RBFOX1: variants seen among roughly 807,000 people sequenced by gnomAD.
The protein encoded by RBFOX1 is RNA binding protein fox-1 homolog 1.
In RBFOX1, 8 loss-of-function variants were observed where a neutral mutation model predicts 57.7. That is an observed-to-expected ratio of 0.14 (90% CI 0.08 to 0.25). The LOEUF (loss-of-function observed/expected upper bound fraction) is 0.25, where lower values mean the gene tolerates loss of function less well. Among genes scored for constraint, RBFOX1 ranks in the 10% least tolerant of loss-of-function variants. The pLI is 1.00. For missense variants in RBFOX1, 611 were observed against 548.5 expected (o/e 1.11, Z -1.14); for synonymous variants, 326 against 222.4 (o/e 1.47, Z -4.15).
chr16:6,962,998 C>G (rs143451506), intron 3 of RBFOX1, among the ~76,000 whole-genome samples: 138 of 152,266 alleles, frequency 9.1e-4, no homozygotes, highest in Non-Finnish European at 1.5e-3. Context: ...AATGCTGACT[C>G]CCAGCCAAGA....
chr16:6,666,658 C>A (rs1011332827), intron 3 of RBFOX1, among the ~76,000 whole-genome samples: 1 of 152,152 alleles, frequency 6.6e-6, no homozygotes, highest in Admixed American at 6.5e-5. Flanking sequence ...TGTACTGCCT[C>A]TTCCAAGCAT....
chr16:6,551,466 C>T (rs1444559774), intron 2 of RBFOX1, among the ~76,000 whole-genome samples: 2 of 152,314 alleles, frequency 1.3e-5, no homozygotes, highest in East Asian at 3.9e-4. Context: ...CGCTGTCTAA[C>T]ATAAGTAACC....
intron 2 of RBFOX1, among the ~76,000 whole-genome samples, chr16:6,565,447 T>G (rs1418663099): frequency 6.8e-6 from 1 of 147,236 alleles, no homozygotes; most frequent in Non-Finnish European, 1.5e-5. Flanking sequence ...TTAGTAGAGA[T>G]GGGGTTTCAC....
At chr16:6,658,314 C>T (rs1476498442) in intron 3 of RBFOX1, among the ~76,000 whole-genome samples, 6 of 151,544 alleles carry the variant, frequency 4.0e-5, no homozygotes, top group Admixed American at 6.6e-5. Context: ...GATCTCAGCT[C>T]ATTGCAACCT....
intron 4 of RBFOX1, among the ~76,000 whole-genome samples, chr16:7,136,932 T>G (rs909034396): frequency 2.0e-5 from 3 of 152,220 alleles, no homozygotes; most frequent in African/African-American, 7.2e-5. Context: ...TGGGGCCCTT[T>G]CATTCCTCGT....
chr16:7,095,352 G>A (rs1310823583), intron 4 of RBFOX1, among the ~76,000 whole-genome samples: 1 of 152,098 alleles, frequency 6.6e-6, no homozygotes, highest in Non-Finnish European at 1.5e-5. Flanking sequence ...TGGCCAGGCT[G>A]GTCTCGAACT....
intron 4 of RBFOX1, among the ~76,000 whole-genome samples, chr16:7,339,748 A>G (rs1304784637): frequency 6.6e-6 from 1 of 152,164 alleles, no homozygotes; most frequent in Admixed American, 6.5e-5. Flanking sequence ...CCAGAAAGAT[A>G]TTTGTTAAGA....
intron 4 of RBFOX1, among the ~76,000 whole-genome samples, chr16:5,873,207 C>T (rs1357515486): frequency 6.6e-6 from 1 of 152,110 alleles, no homozygotes; most frequent in African/African-American, 2.4e-5. Flanking sequence ...AATTAAATAA[C>T]CTAATTAGGA....
chr16:6,618,665 T>A (rs2098178888), intron 2 of RBFOX1, among the ~76,000 whole-genome samples: 1 of 152,212 alleles, frequency 6.6e-6, no homozygotes, highest in African/African-American at 2.4e-5. Context: ...GGCTTTCAAA[T>A]TCACATCACT....
At chr16:7,048,628 GTGTTTT>G (rs1203689748) in intron 3 of RBFOX1, among the ~76,000 whole-genome samples, 7 of 152,046 alleles carry the variant, frequency 4.6e-5, no homozygotes, top group African/African-American at 1.7e-4. Flanking sequence ...TATTTTCAGT[GTGTTTT>G]TTCTTACCGT....
intron 4 of RBFOX1, among the ~76,000 whole-genome samples, chr16:7,373,515 A>G (rs907271891): frequency 6.6e-6 from 1 of 152,134 alleles, no homozygotes; most frequent in Non-Finnish European, 1.5e-5. Flanking sequence ...GTCCCTTGTA[A>G]TAAATGCTGG....
At chr16:7,018,334 G>A (rs1597140173) in intron 3 of RBFOX1, among the ~76,000 whole-genome samples, 1 of 152,094 alleles carries the variant, frequency 6.6e-6, no homozygotes, top group Non-Finnish European at 1.5e-5. Context: ...TAACCTCCGG[G>A]AGTTGTTTCA....
Position 7,237,971 on chromosome 16 carries a change from G to A in RBFOX1, c.27+185873G>A, listed in dbSNP as rs560273505. On this transcript the variant is annotated intron_variant, in intron 4 of 15. Coordinates refer to ENST00000550418, the MANE Select transcript of RBFOX1 (RefSeq NM_018723.4). ...GTGAGCCCACGTCGCGTCCCTGCAC[G>A]CAAGCCTAGGCAAGAAAGCAAGACC... 6.6e-5 allele frequency among the ~76,000 whole-genome samples: 10 copies of A among 152,276 alleles called. No homozygotes were observed. The South Asian group carries it at 1.0e-3, about 16-fold the overall frequency.
At chr16:6,210,361 C>CAAAAAAAAAAAAAAAAAAAAAAAAAAAA (rs3064933) in intron 1 of RBFOX1, among the ~76,000 whole-genome samples, 4 of 61,454 alleles carry the variant, frequency 6.5e-5, no homozygotes, top group Non-Finnish European at 1.4e-4. Context: ...AAAAAAACAC[C>CAAAAAAAAAAAAAAAAAAAAAAAAAAAA]AAAAAAAAAA....
At chr16:5,678,076 G>A (rs2050219431) in intron 3 of RBFOX1, among the ~76,000 whole-genome samples, 1 of 152,190 alleles carries the variant, frequency 6.6e-6, no homozygotes, top group Non-Finnish European at 1.5e-5. Context: ...GTCGATGAAT[G>A]TCAGGAATAT....
chr16:7,050,065 A>G (rs2049466082), intron 3 of RBFOX1, among the ~76,000 whole-genome samples: 2 of 151,674 alleles, frequency 1.3e-5, no homozygotes, highest in South Asian at 4.2e-4. Flanking sequence ...GTCTCAATGA[A>G]TTTTCCCTAC....
At chr16:6,192,590 T>C (rs2097149050) in intron 1 of RBFOX1, among the ~76,000 whole-genome samples, 1 of 152,160 alleles carries the variant, frequency 6.6e-6, no homozygotes, top group Non-Finnish European at 1.5e-5. Context: ...TAATTTATGA[T>C]AGAAAATGGT....
At chr16:7,151,232 G>T (rs2076047285) in intron 4 of RBFOX1, among the ~76,000 whole-genome samples, 1 of 152,174 alleles carries the variant, frequency 6.6e-6, no homozygotes, top group Admixed American at 6.5e-5. Context: ...GTCACTCATA[G>T]AATGGGAGAT....
chr16:7,153,318 A>C (rs1410195406), intron 4 of RBFOX1, among the ~76,000 whole-genome samples: 1 of 152,126 alleles, frequency 6.6e-6, no homozygotes, highest in Non-Finnish European at 1.5e-5. Context: ...ATTTCATTTG[A>C]TAAACATGAT....
Sources: allele counts gnomAD v4.1 joint callset (sites outside exome capture counted in the v4.1 genomes callset), GRCh38; gene constraint gnomAD v4.1.1; transcripts MANE v1.5; gene names NCBI Gene and HGNC (gene_info 2026-07-23, HGNC 2026-07-21).